IFNG-AS1: variants seen among roughly 807,000 people sequenced by gnomAD.
IFNG-AS1 encodes IFNG antisense RNA 1 (non-protein coding).
chr12:68,007,341 G>A (rs1244691220), intron 3 of IFNG-AS1, among the ~76,000 whole-genome samples: 1 of 152,166 alleles, frequency 6.6e-6, no homozygotes, highest in Non-Finnish European at 1.5e-5. Flanking sequence ...TCTACTAATT[G>A]TCAGTGGAGC....
chr12:67,989,580 G>C (rs1051228633), intron 1 of IFNG-AS1: 2 of 152,180 alleles, frequency 1.3e-5, no homozygotes, highest in Admixed American at 1.3e-4. Context: ...CACAACGAGG[G>C]TGAGAACATT....
intron 2 of IFNG-AS1, among the ~76,000 whole-genome samples, chr12:67,996,591 C>T (rs1323289642): frequency 6.6e-6 from 1 of 152,158 alleles, no homozygotes; most frequent in Non-Finnish European, 1.5e-5. Context: ...CCACTCATTT[C>T]CCTACAATGA....
At chr12:68,014,071 T>C (rs187026839) in intron 3 of IFNG-AS1, among the ~76,000 whole-genome samples, 1 of 152,348 alleles carries the variant, frequency 6.6e-6, no homozygotes, top group Non-Finnish European at 1.5e-5. Context: ...TTACCTCACT[T>C]AGAATAATAG....
Position 68,009,519 on chromosome 12 carries a change from T to C in IFNG-AS1, n.241+3373T>C, listed in dbSNP as rs868853726. On this transcript the variant is annotated intron_variant and non_coding_transcript_variant, in intron 3 of 5. Coordinates refer to ENST00000536914, the Ensembl canonical transcript of IFNG-AS1. ...ACCACGCCCAGCTAATTTTTTGTAT[T>C]TTTAGTAGAGACGGGATTTCACTGT... Among the ~76,000 whole-genome samples the C allele has an allele frequency of 2.6e-5, 4 of 152,140 alleles. No homozygotes were observed. The East Asian group carries it at 7.7e-4, about 29-fold the overall frequency.
rs1340926340 is a variant in IFNG-AS1 at position 68,014,796 on chromosome 12, AC to A, written n.242-5065del. On this transcript the variant is annotated intron_variant and non_coding_transcript_variant, in intron 3 of 5. Coordinates refer to ENST00000536914, the Ensembl canonical transcript of IFNG-AS1. Reference sequence around the variant, plus strand: ...AAAGAAATGTCTTACACACACACAGACACACACACACACACACACAGACACC... The same window carrying A: ...AAAGAAATGTCTTACACACACACAGAACACACACACACACACACAGACACC... 0.011 allele frequency among the ~76,000 whole-genome samples: 18 copies of A among 1,592 alleles called. No individual in the cohort carries two copies. In the Admixed American group the frequency reaches 0.29, roughly 26 times the overall value. 1.0% of individuals were successfully genotyped at this position (1,592 alleles called of 152,430 possible).
intron 3 of IFNG-AS1, among the ~76,000 whole-genome samples, chr12:68,017,721 AG>A (rs1384860143): frequency 2.0e-5 from 3 of 152,180 alleles, no homozygotes; most frequent in African/African-American, 7.2e-5. Context: ...ACCCTATTTA[AG>A]AAGGCTCAAT....
At chr12:67,997,829 C>T (rs1403403603) in intron 2 of IFNG-AS1, among the ~76,000 whole-genome samples, 2 of 151,444 alleles carry the variant, frequency 1.3e-5, no homozygotes, top group Non-Finnish European at 3.0e-5. Flanking sequence ...AAATATTGAA[C>T]TAGATAAAGA....
chr12:67,999,910 G>T (rs955734662), intron 2 of IFNG-AS1, among the ~76,000 whole-genome samples: 1 of 152,140 alleles, frequency 6.6e-6, no homozygotes, highest in African/African-American at 2.4e-5. Flanking sequence ...CCAATAATAA[G>T]AAGTATTCAA....
intron 3 of IFNG-AS1, among the ~76,000 whole-genome samples, chr12:68,009,440 C>T (rs1272583608): frequency 6.6e-6 from 1 of 152,182 alleles, no homozygotes; most frequent in African/African-American, 2.4e-5. Flanking sequence ...CATCCCAGTT[C>T]AAGCAATTCT....
chr12:68,008,260 C>CA (rs1879949825), intron 3 of IFNG-AS1, among the ~76,000 whole-genome samples: 1 of 151,832 alleles, frequency 6.6e-6, no homozygotes. Context: ...ACTAAAAATG[C>CA]AAAAAATTAA....
intron 3 of IFNG-AS1, among the ~76,000 whole-genome samples, chr12:68,009,320 T>C (rs1017766747): frequency 2.6e-5 from 4 of 152,170 alleles, no homozygotes; most frequent in Non-Finnish European, 5.9e-5. Flanking sequence ...AGCTGAATTA[T>C]TACATTGGAA....
intron 3 of IFNG-AS1, among the ~76,000 whole-genome samples, chr12:68,010,761 GA>G (rs930753677): frequency 2.6e-5 from 4 of 151,844 alleles, no homozygotes; most frequent in African/African-American, 4.8e-5. Flanking sequence ...GGAAGTGAGA[GA>G]AAAAAAATGT....
chr12:68,017,473 C>T lies in IFNG-AS1; in HGVS notation n.242-2389C>T, dbSNP rs540323501. Among the ~76,000 whole-genome samples, 14 of 152,084 alleles carry T rather than the reference C, an allele frequency of 9.2e-5. No homozygotes were observed. In the East Asian group the frequency reaches 2.3e-3, roughly 25 times the overall value. On this transcript the variant is annotated intron_variant and non_coding_transcript_variant, in intron 3 of 5. Coordinates refer to ENST00000536914, the Ensembl canonical transcript of IFNG-AS1. ...TGAGTACTGGAAGCTGAGATGGGAA[C>T]AAGTGAAAGGATTGGGGATGAATTT...
chr12:68,003,806 C>A (rs1204993280), intron 2 of IFNG-AS1, among the ~76,000 whole-genome samples: 1 of 151,350 alleles, frequency 6.6e-6, no homozygotes. Context: ...ACCCGGGAGG[C>A]TGAGGCAGGA....
chr12:68,019,964 A>T (rs1234562609), intron 4 of IFNG-AS1: 2 of 152,192 alleles, frequency 1.3e-5, no homozygotes. Flanking sequence ...GCCAGTTGGG[A>T]AAGTCTTTGA....
chr12:68,004,649 A>C, intron 2 of IFNG-AS1, among the ~76,000 whole-genome samples: 1 of 152,274 alleles, frequency 6.6e-6, no homozygotes, highest in Admixed American at 6.5e-5. Flanking sequence ...GTGCATCTTC[A>C]GGCCTCTGCC....
chr12:68,019,885 C>T (rs1880245836), exon 4 of IFNG-AS1: 1 of 152,162 alleles, frequency 6.6e-6, no homozygotes, highest in Non-Finnish European at 1.5e-5. Flanking sequence ...CAACTGCTAA[C>T]AACCAGCTGG....
intron 2 of IFNG-AS1, among the ~76,000 whole-genome samples, chr12:68,001,974 T>C (rs1879779756): frequency 6.6e-6 from 1 of 152,258 alleles, no homozygotes; most frequent in South Asian, 2.1e-4. Context: ...CTCAACCATG[T>C]TCTCAAAAAT....
chr12:67,993,292 A>G (rs185212443), intron 1 of IFNG-AS1, among the ~76,000 whole-genome samples: 57 of 152,346 alleles, frequency 3.7e-4, no homozygotes, highest in Middle Eastern at 6.8e-3. Context: ...GACAGGATTT[A>G]GAAGAGCAAT....
Sources: gnomAD v4.1 joint callset for allele counts (sites outside exome capture counted in the v4.1 genomes callset) on GRCh38, gnomAD v4.1.1 for gene constraint, MANE v1.5 for transcripts, NCBI Gene and HGNC (gene_info 2026-07-23, HGNC 2026-07-21) for gene names.